The following C4orf50 variants were observed in gnomAD, a reference collection of about 807,000 sequenced individuals.
C4orf50 encodes chromosome 4 open reading frame 50, also known as uncharacterized protein C4orf50.
Under a neutral mutation model 77.2 loss-of-function variants are expected in C4orf50, and 80 were observed. The observed-to-expected ratio is 1.04, with a 90% CI of 0.87 to 1.25. C4orf50 has a LOEUF of 1.25. C4orf50 is among the 50% of genes most tolerant of loss of function. The pLI is 0.00. For missense variants in C4orf50, 1,257 were observed against 1,152.9 expected (o/e 1.09, Z -1.31); for synonymous variants, 532 against 465.3 (o/e 1.14, Z -1.84).
rs1364902122 is a variant in C4orf50 at position 6,008,779 on chromosome 4, C to T, written c.427-247G>A. 6.6e-6 allele frequency among the ~76,000 whole-genome samples: 1 copy of T among 152,226 alleles called. No individual in the cohort carries two copies. Among genetic ancestry groups the T allele is most frequent in the Non-Finnish European group, 1.5e-5 (1 of 68,046 alleles). On this transcript the variant is annotated intron_variant, in intron 24 of 33. Transcript: ENST00000531445. The surrounding 1 kb of genome is among the most constrained non-coding windows in gnomAD (Gnocchi z 6.0). ...TGGGCCCTGCACCTTCAACAGCTCC[C>T]TGAGTCCTGGAAGGGAGCTGTGCAG...
In C4orf50 at chr4:6,008,714, C is replaced by T. The variant is rs764361282; in HGVS notation, c.427-182G>A. On this transcript the variant is annotated intron_variant, in intron 24 of 33. Transcript: ENST00000531445. This position sits in a 1 kb window ranked among gnomAD's most constrained non-coding sequence, Gnocchi z 6.0. ...TGTTTTGGCATCCTCTTAAATTTTG[C>T]ACGGAGGCAAGTGTCTCCCTCACTT... is the stretch of plus-strand genomic sequence containing the variant. 1.3e-5 allele frequency among the ~76,000 whole-genome samples: 2 copies of T among 152,184 alleles called. No homozygotes were observed. The highest frequency in any genetic ancestry group is 2.9e-5 in the Non-Finnish European group (2 of 68,034).
chr4:5,974,373 C>A (rs7677764), intron 30 of C4orf50, among the ~76,000 whole-genome samples: 70,619 of 151,882 alleles, frequency 0.46, 16,689 homozygotes, highest in East Asian at 0.71. Flanking sequence ...GGAGCCTCAC[C>A]GTCCGCTCTG....
intron 7 of C4orf50, among the ~76,000 whole-genome samples, chr4:5,920,540 A>C (rs982854942): frequency 6.7e-6 from 1 of 149,146 alleles, no homozygotes; most frequent in Non-Finnish European, 1.5e-5. Context: ...GCAGTGGCAC[A>C]ATTTCAGCTC....
In C4orf50 at chr4:5,988,603, C is replaced by CCTCATTTCCTCCTCA; in HGVS notation, c.3442_3443insTGAGGAGGAAATGAG (p.Cys1148delinsLeuArgArgLysTer). 1.3e-6 allele frequency: 2 copies of CCTCATTTCCTCCTCA among 1,536,290 alleles called. No individual in the cohort carries two copies. Among genetic ancestry groups the CCTCATTTCCTCCTCA allele is most frequent in the Non-Finnish European group, 1.7e-6 (2 of 1,146,916 alleles). The stretch of plus-strand genomic sequence containing the variant: ...CATTTCCTCCTCCAAGGGTGGCCCA[C>CCTCATTTCCTCCTCA]AGGCTCTTGAAAGCAGCTGTCCTGT... On this transcript the variant is annotated stop_gained and protein_altering_variant, in exon 28 of 34. Coordinates refer to ENST00000531445, the Ensembl canonical transcript of C4orf50. LOFTEE classifies it high-confidence loss of function.
At chr4:5,951,491 T>A (rs552783778) in intron 7 of C4orf50, among the ~76,000 whole-genome samples, 1 of 152,288 alleles carries the variant, frequency 6.6e-6, no homozygotes, top group Admixed American at 6.5e-5. Flanking sequence ...TATTGTTGAT[T>A]ACCCTGCAAA....
At chr4:5,940,794 C>A (rs568224076) in intron 7 of C4orf50, among the ~76,000 whole-genome samples, 1 of 152,192 alleles carries the variant, frequency 6.6e-6, no homozygotes, top group African/African-American at 2.4e-5. Context: ...GACCTTGAAG[C>A]TCCTGCTCTC....
chr4:5,954,935 G>A (rs1718887315), downstream of C4orf50, among the ~76,000 whole-genome samples: 1 of 152,112 alleles, frequency 6.6e-6, no homozygotes, highest in African/African-American at 2.4e-5. The surrounding 1 kb of genome is among the most constrained non-coding windows in gnomAD (Gnocchi z 4.7). Flanking sequence ...AAGCTGAGAA[G>A]GAAACCTCTG....
chr4:6,003,389 T>A (rs981296639), intron 25 of C4orf50, among the ~76,000 whole-genome samples: 1 of 152,068 alleles, frequency 6.6e-6, no homozygotes, highest in African/African-American at 2.4e-5. Context: ...TCCTACTAGA[T>A]GAGCACAAGC....
chr4:5,909,598 T>G, intron 7 of C4orf50, among the ~76,000 whole-genome samples: 1 of 152,260 alleles, frequency 6.6e-6, no homozygotes, highest in East Asian at 1.9e-4. Flanking sequence ...ACCAATGTCC[T>G]GAAGCATTTC....
At chr4:5,925,799 C>T (rs1048456112) in intron 7 of C4orf50, among the ~76,000 whole-genome samples, 15 of 152,216 alleles carry the variant, frequency 9.9e-5, no homozygotes, top group African/African-American at 3.4e-4. Flanking sequence ...CTGAGCCAGG[C>T]CTGGGACCCA....
chr4:6,017,120 A>G lies in C4orf50; in HGVS notation c.287+1025T>C, dbSNP rs1722711005. Among the ~76,000 whole-genome samples, 1 of 152,258 alleles carries G rather than the reference A, an allele frequency of 6.6e-6. No individual in the cohort carries two copies. Among genetic ancestry groups the G allele is most frequent in the Admixed American group, 6.5e-5 (1 of 15,292 alleles). On this transcript the variant is annotated intron_variant, in intron 23 of 33. Coordinates refer to ENST00000531445, the Ensembl canonical transcript of C4orf50. The surrounding 1 kb of genome is among the most constrained non-coding windows in gnomAD (Gnocchi z 4.7). ...CCCACCTTGAGGCCAGGTCAGCTCCATCAGGCAAACAGTGCCCACAGCAGG... is the reference window on the plus strand; with the variant it reads ...CCCACCTTGAGGCCAGGTCAGCTCCGTCAGGCAAACAGTGCCCACAGCAGG...
intron 30 of C4orf50, among the ~76,000 whole-genome samples, chr4:5,975,660 A>T (rs528966189): frequency 5.9e-5 from 9 of 152,070 alleles, no homozygotes; most frequent in African/African-American, 2.2e-4. Flanking sequence ...CTATAGACGC[A>T]TGCCATCACG....
chr4:5,929,344 G>A (rs1717658484), intron 7 of C4orf50, among the ~76,000 whole-genome samples: 1 of 152,200 alleles, frequency 6.6e-6, no homozygotes, highest in Admixed American at 6.5e-5. Context: ...CGGTTTGAAG[G>A]CGGGAAGTTA....
chr4:5,991,165 C>T (rs975948913), intron 27 of C4orf50, among the ~76,000 whole-genome samples: 5 of 152,200 alleles, frequency 3.3e-5, no homozygotes, highest in Non-Finnish European at 7.3e-5. Flanking sequence ...CCCTCCATGC[C>T]CTCACACCAT....
In C4orf50 at chr4:6,007,598, G is replaced by T; in HGVS notation, c.963+398C>A. ...AAGCCCAAACAGATTTCAACAATGG[G>T]AAAACAAGTGGTTTAGTAAGTGGGC... On this transcript the variant is annotated intron_variant, in intron 25 of 33. Coordinates refer to ENST00000531445, the Ensembl canonical transcript of C4orf50. The surrounding 1 kb of genome is among the most constrained non-coding windows in gnomAD (Gnocchi z 4.1). Among the ~76,000 whole-genome samples, 1 of 152,154 alleles carries T rather than the reference G, an allele frequency of 6.6e-6. No homozygotes were observed.
intron 31 of C4orf50, among the ~76,000 whole-genome samples, chr4:5,968,558 C>G (rs1208084027): frequency 1.3e-5 from 2 of 152,194 alleles, no homozygotes; most frequent in East Asian, 3.9e-4. Context: ...ACTCTCCCAC[C>G]CCGGTGCCTG....
chr4:5,926,926 T>C (rs1181694008), intron 7 of C4orf50, among the ~76,000 whole-genome samples: 1 of 152,212 alleles, frequency 6.6e-6, no homozygotes, highest in Non-Finnish European at 1.5e-5. Flanking sequence ...CTGCTTTCCG[T>C]GTGCCCATGT....
intron 28 of C4orf50, among the ~76,000 whole-genome samples, chr4:5,984,613 A>G (rs778545284): frequency 2.6e-5 from 4 of 152,234 alleles, no homozygotes; most frequent in Non-Finnish European, 5.9e-5. Flanking sequence ...AGAAGGTGGG[A>G]CATGGTAGAA....
chr4:5,945,121 G>A (rs962639812), intron 7 of C4orf50, among the ~76,000 whole-genome samples: 1 of 152,200 alleles, frequency 6.6e-6, no homozygotes, highest in African/African-American at 2.4e-5. Context: ...GCCTTGGGCT[G>A]AGGGTTTTGC....
Sources: allele counts gnomAD v4.1 joint callset (sites outside exome capture counted in the v4.1 genomes callset), GRCh38; gene constraint gnomAD v4.1.1; non-coding constraint Gnocchi (gnomAD v3.1); transcripts MANE v1.5; gene names NCBI Gene and HGNC (gene_info 2026-07-23, HGNC 2026-07-21).